OPHN1: variants seen among roughly 807,000 people sequenced by gnomAD.
OPHN1 encodes oligophrenin-1.
Under a neutral mutation model 60.7 loss-of-function variants are expected in OPHN1, and 11 were observed. The observed-to-expected ratio is 0.18, with a 90% CI of 0.11 to 0.30. The LOEUF is 0.30. Ranked by LOEUF, OPHN1 falls within the 10% of genes least tolerant of loss-of-function variation. OPHN1 has a pLI of 1.00. For synonymous variants in OPHN1, 226 were observed against 222.6 expected (o/e 1.02, Z -0.14); for missense variants, 449 against 611.0 (o/e 0.73, Z 2.80).
chrX:68,287,295 GAAGA>G (rs772312576), intron 3 of OPHN1, among the ~76,000 whole-genome samples: 14 of 62,065 alleles, frequency 2.3e-4, no homozygotes, highest in Non-Finnish European at 3.7e-4. Context: ...AAGGGGAAAA[GAAGA>G]AAGAAAGGAA....
intron 15 of OPHN1, among the ~76,000 whole-genome samples, chrX:68,152,732 C>A (rs67255486): frequency 0.29 from 32,148 of 109,323 alleles, 6,179 homozygotes; most frequent in African/African-American, 0.69. Flanking sequence ...TGTTAGCCAC[C>A]CCACTTGGCC....
chrX:68,253,839 T>G (rs1016498056), intron 5 of OPHN1, among the ~76,000 whole-genome samples: 9 of 111,599 alleles, frequency 8.1e-5, no homozygotes, highest in African/African-American at 2.9e-4. Flanking sequence ...GTCTTGCCCG[T>G]AGATCAGAAT....
At chrX:68,405,996 A>C (rs1163367307) in intron 2 of OPHN1, among the ~76,000 whole-genome samples, 1 of 108,390 alleles carries the variant, frequency 9.2e-6, no homozygotes, top group East Asian at 3.0e-4. Flanking sequence ...ATACAAAAAA[A>C]TAGCCAGGCG....
intron 18 of OPHN1, among the ~76,000 whole-genome samples, chrX:68,111,517 A>G (rs2077103840): frequency 8.9e-6 from 1 of 112,525 alleles, no homozygotes; most frequent in African/African-American, 3.2e-5. Context: ...GGGATTGTGC[A>G]GATGACCAAA....
At position 68,046,661 on chromosome X, in the gene OPHN1, G is replaced by A. The variant is rs188622930; in HGVS notation, c.*511C>T. The A allele has an allele frequency of 1.6e-4, 18 of 111,764 alleles. No homozygotes were observed. Among genetic ancestry groups the A allele is most frequent in the Non-Finnish European group, 3.0e-4 (16 of 53,155 alleles). 9.2% of individuals were successfully genotyped at this position (111,764 alleles called of 1,213,427 possible). A position where few individuals can be genotyped will look rare whatever the true frequency, so the allele number is the denominator to read the frequency against. On this transcript the variant is annotated 3_prime_UTR_variant, in exon 25 of 25. Transcript: ENST00000355520. ...GCACCAGTGTCCATATCCTCAGTAG[G>A]AGACATGTTGAGATTCTCCAATGTT...
chrX:68,079,966 C>T (rs952227535), intron 19 of OPHN1, among the ~76,000 whole-genome samples: 1 of 111,502 alleles, frequency 9.0e-6, no homozygotes, highest in South Asian at 3.8e-4. Flanking sequence ...GGTTGAGTCT[C>T]ATCATGTCTC....
At chrX:68,298,325 A>T (rs2078104973) in intron 3 of OPHN1, among the ~76,000 whole-genome samples, 1 of 111,932 alleles carries the variant, frequency 8.9e-6, no homozygotes. Flanking sequence ...TTCCAATAAA[A>T]CTTTATTTAC....
chrX:68,319,941 C>T (rs1226074304), intron 2 of OPHN1, among the ~76,000 whole-genome samples: 2 of 109,735 alleles, frequency 1.8e-5, no homozygotes, highest in Non-Finnish European at 3.8e-5. Context: ...GATAACAATC[C>T]AAACAGAAAA....
chrX:68,284,957 T>C (rs971425194), intron 3 of OPHN1, among the ~76,000 whole-genome samples: 56 of 112,374 alleles, frequency 5.0e-4, no homozygotes, highest in Admixed American at 7.6e-4. Flanking sequence ...TGCCTGTAAC[T>C]GGACCTCTGC....
intron 15 of OPHN1, among the ~76,000 whole-genome samples, chrX:68,157,348 G>C (rs749482091): frequency 8.9e-6 from 1 of 111,876 alleles, no homozygotes; most frequent in African/African-American, 3.3e-5. Flanking sequence ...CCAATAGTAT[G>C]TTGGATAAAG....
chrX:68,256,358 T>C (rs771863537), intron 5 of OPHN1, among the ~76,000 whole-genome samples: 2 of 111,786 alleles, frequency 1.8e-5, no homozygotes, highest in Non-Finnish European at 3.8e-5. Context: ...CTTGTCTATG[T>C]CTGCAGCTCG....
chrX:68,306,579 T>C (rs1483335306), intron 2 of OPHN1, among the ~76,000 whole-genome samples: 1 of 112,183 alleles, frequency 8.9e-6, no homozygotes, highest in Non-Finnish European at 1.9e-5. Flanking sequence ...TCTCAAAATC[T>C]AAAATAATGT....
intron 2 of OPHN1, among the ~76,000 whole-genome samples, chrX:68,341,095 GT>G (rs2078349454): frequency 9.3e-6 from 1 of 106,990 alleles, no homozygotes; most frequent in South Asian, 4.0e-4. Flanking sequence ...AAAAAATGAA[GT>G]TGTAATAGAA....
At chrX:68,105,192 C>CT (rs1318257609) in intron 18 of OPHN1, among the ~76,000 whole-genome samples, 2 of 110,681 alleles carry the variant, frequency 1.8e-5, no homozygotes, top group African/African-American at 6.6e-5. Flanking sequence ...AATATGAATG[C>CT]TTTTACTCTG....
At chrX:68,078,987 A>ATAAG (rs1416806814) in intron 19 of OPHN1, among the ~76,000 whole-genome samples, 2 of 93,492 alleles carry the variant, frequency 2.1e-5, no homozygotes, top group East Asian at 6.3e-4. Context: ...CTGTCTCAAA[A>ATAAG]TAAATAAATA....
intron 2 of OPHN1, among the ~76,000 whole-genome samples, chrX:68,428,545 C>T (rs191243513): frequency 5.3e-5 from 6 of 112,219 alleles, no homozygotes; most frequent in African/African-American, 1.9e-4. Flanking sequence ...AAGCAGTATC[C>T]ATCTGTGACT....
At chrX:68,137,191 T>A (rs750116126) in intron 15 of OPHN1, among the ~76,000 whole-genome samples, 1 of 111,671 alleles carries the variant, frequency 9.0e-6, no homozygotes, top group South Asian at 3.8e-4. Context: ...GAAACACATA[T>A]ATAAAGAGCA....
chrX:68,381,780 A>T (rs760833066), intron 2 of OPHN1, among the ~76,000 whole-genome samples: 1 of 111,152 alleles, frequency 9.0e-6, no homozygotes, highest in South Asian at 3.9e-4. Context: ...AAGCTTCTTG[A>T]GGATAGGGCC....
intron 4 of OPHN1, among the ~76,000 whole-genome samples, chrX:68,281,240 C>T (rs1250549939): frequency 9.0e-6 from 1 of 111,720 alleles, no homozygotes; most frequent in African/African-American, 3.2e-5. Context: ...ATCAATGCAA[C>T]AGAAATAGAG....
Sources: allele counts gnomAD v4.1 joint callset (sites outside exome capture counted in the v4.1 genomes callset), GRCh38; gene constraint gnomAD v4.1.1; transcripts MANE v1.5; gene names NCBI Gene and HGNC (gene_info 2026-07-23, HGNC 2026-07-21).